Variants in DTHD1 observed in about 807,000 individuals in gnomAD.
DTHD1 encodes the protein death domain containing 1.
A neutral mutation model predicts 74.8 loss-of-function variants in DTHD1; 59 were observed. The ratio of observed to expected loss-of-function variants is 0.79; its 90% CI spans 0.64 to 0.98. DTHD1 has a LOEUF of 0.98. DTHD1 is among the 50% of genes least tolerant of loss of function. DTHD1 has a pLI of 0.00. For missense variants in DTHD1, 1,051 were observed against 1,065.4 expected (o/e 0.99, Z 0.19); for synonymous variants, 365 against 371.1 (o/e 0.98, Z 0.19).
At position 36,284,314 on chromosome 4, in the gene DTHD1, CA is replaced by C. The variant is rs754864416; in HGVS notation, c.612del (p.Glu205LysfsTer20). ...ATCACTGAATGGACGTGTACTGGGGCAAGAAGAGTCACAGAATAAAATGTTC... is the reference window on the plus strand; with the variant it reads ...ATCACTGAATGGACGTGTACTGGGGCAGAAGAGTCACAGAATAAAATGTTC... ...NTSLNGRVLG[Q>X]EESQNKMFPD... On this transcript the variant is annotated frameshift_variant, in exon 2 of 10. Transcript: ENST00000639862. LOFTEE classifies it high-confidence loss of function. 6.5e-7 allele frequency: 1 copy of C among 1,537,068 alleles called. No individual in the cohort carries two copies. Among genetic ancestry groups the C allele is most frequent in the South Asian group, 1.2e-5 (1 of 84,058 alleles).
chr4:36,343,440 T>A, intron 9 of DTHD1, 62 bp from the exon 10 acceptor site: 4 of 1,458,062 alleles, frequency 2.7e-6, no homozygotes, highest in Admixed American at 2.3e-5. Context: ...GTGTGGAGGG[T>A]TAGACCCATG....
Position 36,339,136 on chromosome 4 carries a change from CAG to C in DTHD1, c.2368_2369del (p.Ser790TyrfsTer6). The C allele has an allele frequency of 6.5e-7, 1 of 1,548,126 alleles. No individual in the cohort carries two copies. Among genetic ancestry groups the C allele is most frequent in the Non-Finnish European group, 8.7e-7 (1 of 1,144,358 alleles). On this transcript the variant is annotated frameshift_variant, in exon 9 of 10. Transcript: ENST00000639862. LOFTEE classifies it high-confidence loss of function. Reference sequence around the variant, plus strand: ...GCATAAGAAATTAATCAACCGTCCACAGAGTACCAAAAGAGTTTCTAAGGATC... The same window carrying C: ...GCATAAGAAATTAATCAACCGTCCACAGTACCAAAAGAGTTTCTAAGGATC... The part of the protein sequence containing the change: ...PKHKKLINRP[Q>X]STKRVSKDPV...
chr4:36,282,167 T>G lies in DTHD1; in HGVS notation c.271+138T>G, dbSNP rs1438900567. 1.3e-4 allele frequency: 94 copies of G among 701,566 alleles called. 2 individuals carry two copies. In the East Asian group the frequency reaches 3.0e-3, roughly 23 times the overall value. The allele number at this position is 701,566 out of a possible 1,614,324, so 43.5% of individuals were successfully genotyped here. ...GAGACTAACAATTTCAAAGGGGAAA[T>G]AAGTTGAGACAAATGCACAATAATG... is the stretch of plus-strand genomic sequence containing the variant. On this transcript the variant is annotated intron_variant, in intron 1 of 9. Coordinates refer to ENST00000639862, the MANE Select transcript of DTHD1 (RefSeq NM_001170700.3).
intron 2 of DTHD1, among the ~76,000 whole-genome samples, chr4:36,285,310 A>G (rs1755636049): frequency 6.6e-6 from 1 of 152,182 alleles, no homozygotes; most frequent in Non-Finnish European, 1.5e-5. Context: ...TTTGGAGAGA[A>G]TGTTTTAGCC....
chr4:36,302,832 T>C (rs1756852454), intron 5 of DTHD1, among the ~76,000 whole-genome samples: 1 of 152,222 alleles, frequency 6.6e-6, no homozygotes, highest in African/African-American at 2.4e-5. Flanking sequence ...ATTAATACTT[T>C]AATGACTAAA....
chr4:36,299,702 GT>G (rs1756646912), intron 5 of DTHD1, among the ~76,000 whole-genome samples: 2 of 152,106 alleles, frequency 1.3e-5, no homozygotes, highest in East Asian at 1.9e-4. Context: ...CTTCCCTTCT[GT>G]TTTCCAGCTC....
chr4:36,290,165 C>T (rs1005987698), intron 2 of DTHD1, among the ~76,000 whole-genome samples: 2 of 152,148 alleles, frequency 1.3e-5, no homozygotes, highest in East Asian at 1.9e-4. Context: ...TTCATACTCC[C>T]GTGAGATAGG....
rs397992934 is a variant in DTHD1, at chr4:36,318,612, C to CTTTTT, written c.2340+2142_2340+2146dup. Among the ~76,000 whole-genome samples, 722 of 111,734 alleles carry CTTTTT rather than the reference C, an allele frequency of 6.5e-3. 1 individual carries two copies. The highest frequency in any genetic ancestry group is 0.011 in the East Asian group (47 of 4,106). The allele number at this position is 111,734 out of a possible 152,430, so 73.3% of individuals were successfully genotyped here. A position where few individuals can be genotyped will look rare whatever the true frequency, so the allele number is the denominator to read the frequency against. ...CTTCTGTGCATTTTCTTTTTCTTTTCTTTTTTTTTTTTTTTTTTTTGAGAC... is the reference window on the plus strand; with the variant it reads ...CTTCTGTGCATTTTCTTTTTCTTTTCTTTTTTTTTTTTTTTTTTTTTTTTTGAGAC... On this transcript the variant is annotated intron_variant, in intron 8 of 9. Transcript: ENST00000639862.
At chr4:36,322,261 G>A (rs574734880) in intron 8 of DTHD1, among the ~76,000 whole-genome samples, 22 of 152,146 alleles carry the variant, frequency 1.4e-4, no homozygotes, top group Non-Finnish European at 2.9e-4. Context: ...CAAATCACAA[G>A]TACCTAGAAT....
intron 2 of DTHD1, among the ~76,000 whole-genome samples, chr4:36,285,072 A>G (rs992417736): frequency 6.6e-6 from 1 of 152,198 alleles, no homozygotes; most frequent in Admixed American, 6.5e-5. Context: ...TGTAATCAGT[A>G]ATTCAGCTTA....
Position 36,316,292 on chromosome 4 carries a change from A to G in DTHD1, c.2146A>G (p.Arg716Gly), listed in dbSNP as rs1757725277. 2.6e-6 allele frequency: 4 copies of G among 1,551,766 alleles called. No homozygotes were observed. Among genetic ancestry groups the G allele is most frequent in the South Asian group, 1.2e-5 (1 of 84,058 alleles). ...KDYTLIFHLQ[R>G]KPRLELQIKE... Reference sequence around the variant, plus strand: ...CTACACACTTATTTTTCACTTGCAAAGAAAACCTAGGCTGGAACTCCAAAT... The same window carrying G: ...CTACACACTTATTTTTCACTTGCAAGGAAAACCTAGGCTGGAACTCCAAAT... Residue 716 changes from arginine (R) to glycine (G), a missense_variant, in exon 8 of 10, where the codon AGA becomes GGA. Arg to Gly is a moderately radical substitution (Grantham distance 125). Coordinates refer to ENST00000639862, the MANE Select transcript of DTHD1 (RefSeq NM_001170700.3).
Position 36,281,619 on chromosome 4 carries a change from A to C in DTHD1, c.-140A>C. On this transcript the variant is annotated 5_prime_UTR_variant, in exon 1 of 10. Transcript: ENST00000639862. ...CTAGTCAACACCAAACTGAATAACC[A>C]CTATGTTGTGAGAAAGTGCTGGGCT... 1 of 1,212,596 alleles carries C rather than the reference A, an allele frequency of 8.2e-7. No homozygotes were observed. Among genetic ancestry groups the C allele is most frequent in the Non-Finnish European group, 1.0e-6 (1 of 971,222 alleles). The allele number at this position is 1,212,596 out of a possible 1,614,324, so 75.1% of individuals were successfully genotyped here. A position where few individuals can be genotyped will look rare whatever the true frequency, so the allele number is the denominator to read the frequency against.
At chr4:36,331,087 T>C (rs899108574) in intron 8 of DTHD1, among the ~76,000 whole-genome samples, 8 of 152,110 alleles carry the variant, frequency 5.3e-5, no homozygotes, top group African/African-American at 1.9e-4. Context: ...TAATAGGTGA[T>C]TGTTGTGATG....
rs73117702 is a variant in DTHD1 at position 36,310,192 on chromosome 4, G to A, written c.2095+1699G>A. On this transcript the variant is annotated intron_variant, in intron 7 of 9. Transcript: ENST00000639862. ...TGCTTTTGATAAGTGTGTAGTGAAT[G>A]AATGATTATATGACAGTGATGAGGA... is the stretch of plus-strand genomic sequence containing the variant. 5.3e-3 allele frequency among the ~76,000 whole-genome samples: 804 copies of A among 152,212 alleles called. 6 individuals are homozygous for A. Among genetic ancestry groups the A allele is most frequent in the African/African-American group, 0.018 (756 of 41,532 alleles).
In DTHD1 at chr4:36,346,970, T is replaced by G. The variant is rs770069978; in HGVS notation, c.*3146T>G. Among the ~76,000 whole-genome samples the G allele has an allele frequency of 6.6e-5, 10 of 152,150 alleles. No homozygotes were observed. Among genetic ancestry groups the G allele is most frequent in the Non-Finnish European group, 1.2e-4 (8 of 68,030 alleles). ...ACATCCTGCTCTCCCCTTTTTAAAA[T>G]AAAGCCTCCTTTTATTATTCTAATT... On this transcript the variant is annotated 3_prime_UTR_variant, in exon 10 of 10. Transcript: ENST00000639862.
intron 9 of DTHD1, among the ~76,000 whole-genome samples, chr4:36,340,506 T>C (rs866444819): frequency 6.6e-6 from 1 of 152,184 alleles, no homozygotes; most frequent in Non-Finnish European, 1.5e-5. Context: ...CTTTGAAAAA[T>C]GTGAAGAACA....
intron 5 of DTHD1, among the ~76,000 whole-genome samples, chr4:36,304,295 T>G (rs545640971): frequency 1.3e-5 from 2 of 152,330 alleles, no homozygotes; most frequent in Admixed American, 6.5e-5. Context: ...TGTGAATAAA[T>G]TATTAACTTC....
intron 3 of DTHD1, among the ~76,000 whole-genome samples, chr4:36,292,918 TG>T (rs1016927384): frequency 1.3e-5 from 2 of 152,242 alleles, no homozygotes; most frequent in African/African-American, 4.8e-5. Context: ...AGTATGTGTC[TG>T]TATATATGCA....
chr4:36,293,803 C>A, intron 4 of DTHD1, 98 bp downstream of exon 4: 4 of 1,047,546 alleles, frequency 3.8e-6, no homozygotes, highest in Non-Finnish European at 5.2e-6. Context: ...TTTAATATAA[C>A]AAAAAATGGA....
Sources: allele counts gnomAD v4.1 joint callset (sites outside exome capture counted in the v4.1 genomes callset), GRCh38; gene constraint gnomAD v4.1.1; transcripts MANE v1.5; gene names NCBI Gene and HGNC (gene_info 2026-07-23, HGNC 2026-07-21).